Variants in LRRK1 observed in about 807,000 individuals in gnomAD.
The protein encoded by LRRK1 is leucine-rich repeat serine/threonine-protein kinase 1.
A neutral mutation model predicts 209.1 loss-of-function variants in LRRK1; 113 were observed. The observed-to-expected ratio is 0.54, with a 90% confidence interval of 0.46 to 0.63. The LOEUF (loss-of-function observed/expected upper bound fraction) is 0.63. LRRK1 is among the 30% of genes least tolerant of loss of function. LRRK1 has a pLI of 0.00. For missense variants in LRRK1, 2,284 were observed against 2,632.2 expected (o/e 0.87, Z 2.89); for synonymous variants, 1,144 against 1,099.7 (o/e 1.04, Z -0.80).
rs537303327 is a variant in LRRK1 at position 101,014,892 on chromosome 15, A to G, written c.1533-434A>G. On this transcript the variant is annotated intron_variant, in intron 11 of 33. Coordinates refer to ENST00000388948, the MANE Select transcript of LRRK1 (RefSeq NM_024652.6). Reference sequence around the variant, plus strand: ...AAACAGCCCCTAATGGTGTCCTCTCATTTTTAATTTTTAGTCTGCTGGAGA... The same window carrying G: ...AAACAGCCCCTAATGGTGTCCTCTCGTTTTTAATTTTTAGTCTGCTGGAGA... 2.5e-3 allele frequency among the ~76,000 whole-genome samples: 381 copies of G among 152,304 alleles called. 1 individual carries two copies. Among genetic ancestry groups the G allele is most frequent in the Middle Eastern group, 6.8e-3 (2 of 294 alleles).
chr15:101,036,475 A>C (rs568404793), intron 20 of LRRK1, among the ~76,000 whole-genome samples: 4 of 152,050 alleles, frequency 2.6e-5, no homozygotes, highest in African/African-American at 9.7e-5. Flanking sequence ...ATTAATATCT[A>C]TCTCTTTGGT....
chr15:101,001,895 C>G (rs779075081), intron 6 of LRRK1, among the ~76,000 whole-genome samples: 3 of 152,180 alleles, frequency 2.0e-5, no homozygotes, highest in Admixed American at 1.3e-4. Flanking sequence ...GCTGTGGGGT[C>G]AGTGAGACCT....
intron 12 of LRRK1, 113 bp from the exon 13 acceptor site, chr15:101,020,940 G>A: frequency 1.7e-6 from 2 of 1,173,102 alleles, no homozygotes; most frequent in Non-Finnish European, 1.2e-6. Context: ...GTTCTGATAG[G>A]CTTGCCAAAA....
Position 101,049,767 on chromosome 15 carries a change from T to A in LRRK1, c.3423T>A (p.Ile1141=), listed in dbSNP as rs41339845. 0.014 allele frequency: 22,709 copies of A among 1,613,440 alleles called. 624 individuals carry two copies. The highest frequency in any genetic ancestry group is 0.12 in the African/African-American group (8,623 of 74,978). The part of the protein sequence containing the change: ...AFITDHVNSL[I]DQWFPALTAT... The stretch of plus-strand genomic sequence containing the variant: ...TCACGGACCACGTCAATTCCTTGAT[T>A]GATCAGTGGTTTCCCGGTAAGAGGA... The change falls in exon 23 of 34, where the codon ATT becomes ATA. Residue 1141 remains isoleucine (I), a synonymous_variant. Transcript: ENST00000388948.
chr15:100,977,393 G>A (rs1265114200), intron 3 of LRRK1, among the ~76,000 whole-genome samples: 2 of 152,070 alleles, frequency 1.3e-5, no homozygotes, highest in African/African-American at 4.8e-5. Context: ...GGCTGTAACA[G>A]GCACCCCAAT....
chr15:101,027,321 C>CA lies in LRRK1; in HGVS notation c.2467dup (p.Thr823AsnfsTer114). Reference sequence around the variant, plus strand: ...GGCTGCGACAGCTGATTTTCCACGTCACGTGCAGCATGAAGGACGTGGGCA... The same window carrying CA: ...GGCTGCGACAGCTGATTTTCCACGTCAACGTGCAGCATGAAGGACGTGGGCA... On this transcript the variant is annotated frameshift_variant, in exon 18 of 34. Coordinates refer to ENST00000388948, the MANE Select transcript of LRRK1 (RefSeq NM_024652.6). LOFTEE classifies it high-confidence loss of function. The surrounding 1 kb of genome is among the most constrained non-coding windows in gnomAD (Gnocchi z 5.1). The CA allele has an allele frequency of 6.2e-7, 1 of 1,614,108 alleles. No homozygotes were observed. The highest frequency in any genetic ancestry group is 1.1e-5 in the South Asian group (1 of 91,074).
chr15:100,991,285 G>GT (rs1475496140), intron 6 of LRRK1, among the ~76,000 whole-genome samples: 1 of 152,044 alleles, frequency 6.6e-6, no homozygotes, highest in Non-Finnish European at 1.5e-5. Flanking sequence ...CTGTTCATTA[G>GT]TTTTTTTCAA....
chr15:101,044,942 G>GA (rs1264525483), intron 20 of LRRK1, among the ~76,000 whole-genome samples: 1 of 152,230 alleles, frequency 6.6e-6, no homozygotes, highest in Non-Finnish European at 1.5e-5. Context: ...GAGAGGTTGG[G>GA]AATGTCCTTT....
chr15:101,022,043 GT>G lies in LRRK1; in HGVS notation c.1852+88del. 1 of 951,454 alleles carries G rather than the reference GT, an allele frequency of 1.1e-6. No homozygotes were observed. The highest frequency in any genetic ancestry group is 2.2e-4 in the Middle Eastern group (1 of 4,552). 58.9% of individuals were successfully genotyped at this position (951,454 alleles called of 1,614,324 possible). A position where few individuals can be genotyped will look rare whatever the true frequency, so the allele number is the denominator to read the frequency against. On this transcript the variant is annotated intron_variant, in intron 14 of 33. Transcript: ENST00000388948. This position sits in a 1 kb window ranked among gnomAD's most constrained non-coding sequence, Gnocchi z 4.0. ...TTGTTAAGTTCTGGGGGTGGAGACAGTTGGTGACCCATGGAGCCCAGCTCCA... is the reference window on the plus strand; with the variant it reads ...TTGTTAAGTTCTGGGGGTGGAGACAGTGGTGACCCATGGAGCCCAGCTCCA...
At chr15:101,061,451 C>T (rs945802370) in intron 30 of LRRK1, among the ~76,000 whole-genome samples, 163 bp downstream of exon 30, 15 of 152,224 alleles carry the variant, frequency 9.9e-5, no homozygotes, top group African/African-American at 1.7e-4. Flanking sequence ...CCAGGAGCCC[C>T]GAGAAGTAGC....
chr15:101,008,060 T>G (rs1421767973), intron 6 of LRRK1, among the ~76,000 whole-genome samples: 1 of 140,446 alleles, frequency 7.1e-6, no homozygotes, highest in Non-Finnish European at 1.5e-5. Flanking sequence ...GGAGAATCGC[T>G]TGAACCCGGG....
intron 4 of LRRK1, among the ~76,000 whole-genome samples, chr15:100,985,088 T>C (rs906643867): frequency 2.6e-5 from 4 of 152,224 alleles, no homozygotes; most frequent in Non-Finnish European, 4.4e-5. Context: ...TTTCCAGCTG[T>C]GGGCTTTGAT....
intron 2 of LRRK1, among the ~76,000 whole-genome samples, chr15:100,937,573 C>A (rs890202418): frequency 6.6e-6 from 1 of 151,746 alleles, no homozygotes; most frequent in Non-Finnish European, 1.5e-5. Context: ...CTCACTCTGT[C>A]CCCCAGGCTG....
intron 33 of LRRK1, among the ~76,000 whole-genome samples, chr15:101,067,666 C>T (rs2036611529): frequency 6.6e-6 from 1 of 152,320 alleles, no homozygotes; most frequent in East Asian, 1.9e-4. Flanking sequence ...TGAACTTTTG[C>T]AGTGAGTCCT....
At chr15:100,973,329 T>A (rs976893051) in intron 2 of LRRK1, among the ~76,000 whole-genome samples, 1 of 152,218 alleles carries the variant, frequency 6.6e-6, no homozygotes, top group Non-Finnish European at 1.5e-5. Context: ...GGCGGCTGAT[T>A]TAAATCCCAC....
intron 2 of LRRK1, among the ~76,000 whole-genome samples, chr15:100,942,369 T>C (rs530687705): frequency 5.9e-5 from 9 of 152,230 alleles, no homozygotes; most frequent in Non-Finnish European, 1.2e-4. Flanking sequence ...TCTTTCTCTG[T>C]TGGGCAAATT....
At chr15:101,058,602 T>C (rs965777915) in intron 29 of LRRK1, among the ~76,000 whole-genome samples, 3 of 63,784 alleles carry the variant, frequency 4.7e-5, no homozygotes, top group African/African-American at 1.9e-4. Flanking sequence ...CTGCCCCAGA[T>C]TGCAGAAGGG....
chr15:101,003,111 G>T (rs1473957772), intron 6 of LRRK1, among the ~76,000 whole-genome samples: 1 of 152,234 alleles, frequency 6.6e-6, no homozygotes, highest in Non-Finnish European at 1.5e-5. Flanking sequence ...TGTAATGTCT[G>T]TGCTTGAACA....
chr15:100,999,490 G>A (rs577719368), intron 6 of LRRK1, among the ~76,000 whole-genome samples: 9 of 152,182 alleles, frequency 5.9e-5, no homozygotes, highest in Admixed American at 1.3e-4. Flanking sequence ...TCTGAGTTTA[G>A]TTGTAGCTGA....
Sources: gnomAD v4.1 joint callset for allele counts (sites outside exome capture counted in the v4.1 genomes callset) on GRCh38, gnomAD v4.1.1 for gene constraint, Gnocchi (gnomAD v3.1) non-coding constraint, MANE v1.5 for transcripts, NCBI Gene and HGNC (gene_info 2026-07-23, HGNC 2026-07-21) for gene names.